The following MEIOB variants were observed in gnomAD, a reference collection of about 807,000 sequenced individuals.
MEIOB encodes meiosis specific with OB-fold.
Under a neutral mutation model 53.1 loss-of-function variants are expected in MEIOB, and 50 were observed. That is an observed-to-expected ratio of 0.94 (90% CI 0.75 to 1.19). The LOEUF (loss-of-function observed/expected upper bound fraction) is 1.19. Ranked by LOEUF, MEIOB falls within the 50% of genes most tolerant of loss-of-function variation. The pLI, the probability that MEIOB is intolerant of heterozygous loss-of-function variation, is 0.00. For missense variants in MEIOB, 551 were observed against 550.8 expected (o/e 1.00, Z 0.00); for synonymous variants, 192 against 182.5 (o/e 1.05, Z -0.42).
At chr16:1,843,149 C>T (rs1162396) in intron 10 of MEIOB, among the ~76,000 whole-genome samples, 26,588 of 150,422 alleles carry the variant, frequency 0.18, 2,487 homozygotes, top group South Asian at 0.27. Flanking sequence ...AAAGAATTAG[C>T]CGGGCGTGGG....
At chr16:1,866,390 T>C (rs1207970260) in intron 2 of MEIOB, among the ~76,000 whole-genome samples, 2 of 152,206 alleles carry the variant, frequency 1.3e-5, no homozygotes. Context: ...ATGTTCTCTT[T>C]AGTGACTACT....
At chr16:1,871,007 A>G (rs1232733372) in intron 1 of MEIOB, among the ~76,000 whole-genome samples, 1 of 152,182 alleles carries the variant, frequency 6.6e-6, no homozygotes, top group African/African-American at 2.4e-5. Flanking sequence ...TTGGTGGGAC[A>G]TGGTATCCTA....
intron 9 of MEIOB, among the ~76,000 whole-genome samples, chr16:1,848,358 G>T (rs764812841): frequency 1.1e-4 from 16 of 152,058 alleles, no homozygotes; most frequent in Non-Finnish European, 2.2e-4. Flanking sequence ...CTCTTCAGGT[G>T]AATTAAGCAT....
At chr16:1,838,027 C>G in intron 12 of MEIOB, 157 bp from the exon 13 acceptor site, 1 of 1,365,304 alleles carries the variant, frequency 7.3e-7, no homozygotes, top group Non-Finnish European at 9.8e-7. Flanking sequence ...GACAGGGTCT[C>G]ACTCTGTCGC....
rs1324656425 is a variant in MEIOB at position 1,839,240 on chromosome 16, C to CT, written c.1218+14dup. ...TTGGAAATATTCTAAACATTTCTTC[C>CT]TTTTTGCTATTTACCGTGCAGCCCA... is the stretch of plus-strand genomic sequence containing the variant. On this transcript the variant is annotated intron_variant, in intron 12 of 13. Transcript: ENST00000325962. 6.4e-7 allele frequency: 1 copy of CT among 1,552,742 alleles called. No homozygotes were observed. The highest frequency in any genetic ancestry group is 8.7e-7 in the Non-Finnish European group (1 of 1,150,116).
At chr16:1,840,022 T>G (rs138279147) in intron 11 of MEIOB, 3 of 152,342 alleles carry the variant, frequency 2.0e-5, no homozygotes, top group East Asian at 3.9e-4. Context: ...TTCAGTGATT[T>G]ATGCTATTCC....
chr16:1,863,160 G>A (rs449248), intron 3 of MEIOB, among the ~76,000 whole-genome samples: 125,252 of 151,702 alleles, frequency 0.83, 51,822 homozygotes, highest in Middle Eastern at 0.9. Context: ...TTAAGTGTGC[G>A]GTGAGCTTTG....
At position 1,834,272 on chromosome 16, in the gene MEIOB, C is replaced by G; in HGVS notation, c.1400G>C (p.Gly467Ala). ...DPTEASRNLS[G>A]QKHV The stretch of plus-strand genomic sequence containing the variant: ...TAGACCGTTTTAAACATGTTTTTGT[C>G]CAGACAAGTTTCTGCTTGCCTCAGT... The change falls in exon 14 of 14, where the codon GGA (glycine) becomes GCA (alanine). Residue 467 changes from glycine to alanine, a missense_variant. Gly to Ala is a moderately conservative substitution (Grantham distance 60). Coordinates refer to ENST00000325962, the MANE Select transcript of MEIOB (RefSeq NM_001163560.3). 1 of 1,601,664 alleles carries G rather than the reference C, an allele frequency of 6.2e-7. No homozygotes were observed. Among genetic ancestry groups the G allele is most frequent in the Non-Finnish European group, 8.5e-7 (1 of 1,169,906 alleles).
chr16:1,838,197 A>C, intron 12 of MEIOB: 1 of 466,428 alleles, frequency 2.1e-6, no homozygotes, highest in East Asian at 3.2e-5. Context: ...ACAGGGTCTC[A>C]CTATGTTGCC....
rs182171452 is a variant in MEIOB at position 1,849,965 on chromosome 16, C to G, written c.778+3074G>C. Among the ~76,000 whole-genome samples, 10 of 152,206 alleles carry G rather than the reference C, an allele frequency of 6.6e-5. No homozygotes were observed. The East Asian group carries it at 1.9e-3, about 29-fold the overall frequency. ...AACAACATAGTGTATAAAATGTATT[C>G]AATTTTTTGTCAATTAAAAAGTTAA... is the stretch of plus-strand genomic sequence containing the variant. On this transcript the variant is annotated intron_variant, in intron 9 of 13. Transcript: ENST00000325962.
chr16:1,868,207 T>C, intron 1 of MEIOB, 23 bp from the exon 2 acceptor site: 1 of 1,234,972 alleles, frequency 8.1e-7, no homozygotes. Flanking sequence ...AAATATAATT[T>C]AGATATATAA....
rs767975202 is a variant in MEIOB at position 1,844,913 on chromosome 16, T to C, written c.829A>G (p.Thr277Ala). 2.6e-6 allele frequency: 4 copies of C among 1,554,648 alleles called. No homozygotes were observed. The South Asian group carries it at 4.6e-5, about 18-fold the overall frequency. Residue 277 changes from threonine (T) to alanine (A), a missense_variant, in exon 10 of 14, where the codon ACG (threonine) becomes GCG (alanine). By Grantham distance (58) the Thr-to-Ala change is moderately conservative. Transcript: ENST00000325962. ...LLNFIRENKE[T>A]NVLDDEIDSY... ...TCAATTTCATCATCCAGAACATTCG[T>C]TTCTTTATTTTCTCGTATAAAATTC...
At chr16:1,836,436 T>C (rs1898750716) in intron 13 of MEIOB, among the ~76,000 whole-genome samples, 1 of 152,150 alleles carries the variant, frequency 6.6e-6, no homozygotes, top group Non-Finnish European at 1.5e-5. Flanking sequence ...GTGCCTCCTG[T>C]CTGGAGGGAA....
rs1242282698 is a variant in MEIOB at position 1,853,043 on chromosome 16, A to G, written c.774T>C (p.Asn258=). The G allele has an allele frequency of 2.5e-6, 4 of 1,604,588 alleles. No individual in the cohort carries two copies. The African/African-American group carries it at 4.0e-5, about 16-fold the overall frequency. The change falls in exon 9 of 14, where the codon AAT becomes AAC. Residue 258 remains asparagine, a synonymous_variant. Transcript: ENST00000325962. The stretch of plus-strand genomic sequence containing the variant: ...AGGTTTCACAAAGTTTTTTACCTGG[A>G]TTAGTTGTAATAATGGTTTTTGAGA... ...TVISKTIITT[N]PDIPEANILL...
At chr16:1,858,136 G>A (rs182558020) in intron 5 of MEIOB, among the ~76,000 whole-genome samples, 393 of 152,192 alleles carry the variant, frequency 2.6e-3, no homozygotes, top group African/African-American at 9.0e-3. Flanking sequence ...GAATTGATTC[G>A]TGTCGGGGTT....
intron 1 of MEIOB, among the ~76,000 whole-genome samples, chr16:1,869,754 G>A (rs1742448): frequency 0.82 from 125,106 of 151,700 alleles, 51,712 homozygotes; most frequent in Middle Eastern, 0.9. Flanking sequence ...CCCGGCCTCA[G>A]TGGGACATTT....
At chr16:1,845,568 C>T (rs776638058) in intron 9 of MEIOB, among the ~76,000 whole-genome samples, 9 of 151,800 alleles carry the variant, frequency 5.9e-5, no homozygotes, top group African/African-American at 1.5e-4. Context: ...AGAATATATA[C>T]GAAAAAATGA....
intron 6 of MEIOB, 65 bp from the exon 7 acceptor site, chr16:1,854,265 G>A: frequency 5.4e-6 from 5 of 931,454 alleles, no homozygotes; most frequent in Non-Finnish European, 8.3e-6. Flanking sequence ...ATTTGTTGAT[G>A]AAAATACTCA....
At chr16:1,863,743 AT>A (rs1899516751) in intron 3 of MEIOB, among the ~76,000 whole-genome samples, 3 of 147,430 alleles carry the variant, frequency 2.0e-5, no homozygotes, top group African/African-American at 5.0e-5. Context: ...AAAAAAATAA[AT>A]TTTAAAAATA....
Sources: allele counts gnomAD v4.1 joint callset (sites outside exome capture counted in the v4.1 genomes callset), GRCh38; gene constraint gnomAD v4.1.1; transcripts MANE v1.5; gene names NCBI Gene and HGNC (gene_info 2026-07-23, HGNC 2026-07-21).